The following AHI1 variants were observed in gnomAD, a reference collection of about 807,000 sequenced individuals.
AHI1 encodes jouberin.
In AHI1, 123 loss-of-function variants were observed where a neutral mutation model predicts 149.3. The ratio of observed to expected loss-of-function variants is 0.82; its 90% CI spans 0.71 to 0.96. AHI1 has a LOEUF of 0.96. Ranked by LOEUF, AHI1 falls within the 40% of genes least tolerant of loss-of-function variation. The probability of loss-of-function intolerance (pLI) is 0.00; values close to 1 mark genes in which losing one functional copy is unlikely to be tolerated. For missense variants in AHI1, 1,439 were observed against 1,422.7 expected, an observed-to-expected ratio of 1.01 and a Z score of -0.18; for synonymous variants, 475 against 459.8, an observed-to-expected ratio of 1.03 and a Z score of -0.42.
At chr6:135,373,247 A>C (rs1472697826) in intron 23 of AHI1, among the ~76,000 whole-genome samples, 4 of 151,060 alleles carry the variant, frequency 2.6e-5, no homozygotes, top group Non-Finnish European at 5.9e-5. Context: ...TACCTTTTCT[A>C]TGTTTAGATA....
intron 8 of AHI1, among the ~76,000 whole-genome samples, chr6:135,461,973 T>C (rs894479825): frequency 3.3e-5 from 5 of 152,030 alleles, no homozygotes; most frequent in Admixed American, 6.6e-5. Flanking sequence ...TGATGTTCTG[T>C]TTCCAAATTT....
chr6:135,414,008 C>T (rs971025692), intron 20 of AHI1, among the ~76,000 whole-genome samples: 4 of 152,052 alleles, frequency 2.6e-5, no homozygotes, highest in African/African-American at 9.7e-5. Flanking sequence ...CTAAAATCGA[C>T]ATGGAAATGA....
intron 24 of AHI1, among the ~76,000 whole-genome samples, chr6:135,346,494 C>T (rs962800581): frequency 6.6e-6 from 1 of 152,052 alleles, no homozygotes; most frequent in African/African-American, 2.4e-5. Context: ...GCCATCATGC[C>T]TGGCCAAGCT....
intron 16 of AHI1, among the ~76,000 whole-genome samples, chr6:135,432,096 C>A (rs1784747004): frequency 6.6e-6 from 1 of 150,570 alleles, no homozygotes; most frequent in Non-Finnish European, 1.5e-5. Flanking sequence ...GCTATTATGA[C>A]AGAGTTAGTT....
chr6:135,317,706 A>C (rs190755986), intron 26 of AHI1, among the ~76,000 whole-genome samples: 1 of 152,300 alleles, frequency 6.6e-6, no homozygotes, highest in African/African-American at 2.4e-5. Flanking sequence ...AATAGAGCGC[A>C]TGGATGAAGG....
intron 26 of AHI1, 35 bp from the exon 27 acceptor site, chr6:135,300,593 A>C (rs376571530): frequency 2.5e-6 from 4 of 1,576,954 alleles, no homozygotes; most frequent in East Asian, 4.6e-5. Context: ...TAGTAAGTAA[A>C]AAATGAGAAA....
rs372767215 is a variant in AHI1, at chr6:135,298,842, G to A, written c.3485+1658C>T. 5.9e-5 allele frequency among the ~76,000 whole-genome samples: 9 copies of A among 152,194 alleles called. 1 individual carries two copies. Among genetic ancestry groups the A allele is most frequent in the East Asian group, 1.9e-4 (1 of 5,178 alleles). On this transcript the variant is annotated intron_variant, in intron 27 of 28. Coordinates refer to ENST00000265602, the MANE Select transcript of AHI1 (RefSeq NM_001134831.2). ...TGGATCTCTGTATCTCGTGAAAACT[G>A]GTATGAAATGTAGACCGAGTGAGGA...
intron 24 of AHI1, among the ~76,000 whole-genome samples, chr6:135,336,278 A>C (rs1244079730): frequency 1.3e-5 from 2 of 152,090 alleles, no homozygotes; most frequent in Admixed American, 1.3e-4. Context: ...ATAATGTCAC[A>C]GCACAATTAA....
intron 11 of AHI1, among the ~76,000 whole-genome samples, chr6:135,449,878 G>A (rs187031136): frequency 7.9e-5 from 12 of 152,268 alleles, no homozygotes; most frequent in East Asian, 7.7e-4. Flanking sequence ...AATTCAAACA[G>A]CCATGTGACT....
chr6:135,428,495 A>G, intron 19 of AHI1, 134 bp downstream of exon 19: 1 of 1,119,666 alleles, frequency 8.9e-7, no homozygotes, highest in Admixed American at 3.3e-5. Context: ...AAGGCTTTCT[A>G]ATCTTAAAAA....
At chr6:135,447,205 T>A (rs370878191) in intron 12 of AHI1, 45 bp from the exon 13 acceptor site, 92 of 1,290,374 alleles carry the variant, frequency 7.1e-5, no homozygotes, top group Non-Finnish European at 8.7e-5. Context: ...CATGTTCACC[T>A]TTTTCTTTTT....
chr6:135,492,361 C>T, intron 3 of AHI1, 70 bp from the exon 4 acceptor site: 1 of 1,449,930 alleles, frequency 6.9e-7, no homozygotes, highest in Non-Finnish European at 9.1e-7. Context: ...GTTCTTCACA[C>T]AAGATCATGC....
intron 22 of AHI1, 131 bp from the exon 23 acceptor site, chr6:135,395,027 A>G: frequency 1.2e-6 from 1 of 855,216 alleles, no homozygotes; most frequent in East Asian, 2.7e-5. Context: ...GTAATGATGT[A>G]CATGGTTAGT....
chr6:135,442,966 T>A (rs369011060), intron 13 of AHI1, among the ~76,000 whole-genome samples: 1 of 152,038 alleles, frequency 6.6e-6, no homozygotes, highest in Non-Finnish European at 1.5e-5. Context: ...AATAGAAAAA[T>A]TTCAATATCT....
chr6:135,430,177 A>G (rs1375803365), intron 17 of AHI1, among the ~76,000 whole-genome samples, 177 bp from the exon 18 acceptor site: 1 of 151,904 alleles, frequency 6.6e-6, no homozygotes, highest in East Asian at 1.9e-4. Flanking sequence ...AAGCTGATGA[A>G]TTGTATTTCT....
At chr6:135,387,571 ACTTT>A (rs1167615444) in intron 23 of AHI1, among the ~76,000 whole-genome samples, 1 of 152,172 alleles carries the variant, frequency 6.6e-6, no homozygotes, top group Non-Finnish European at 1.5e-5. Flanking sequence ...ATGCTTGACA[ACTTT>A]CTTCTTGAAA....
chr6:135,297,734 A>C (rs1025033259), intron 27 of AHI1, among the ~76,000 whole-genome samples: 17 of 152,184 alleles, frequency 1.1e-4, no homozygotes, highest in African/African-American at 4.1e-4. Context: ...TAAAAGTAAA[A>C]ATTTAGAAGA....
At chr6:135,363,142 T>C (rs369824845) in intron 23 of AHI1, among the ~76,000 whole-genome samples, 10 of 151,278 alleles carry the variant, frequency 6.6e-5, no homozygotes, top group South Asian at 2.1e-4. Context: ...GGAAGGTCAG[T>C]AGATAAACAA....
chr6:135,490,425 C>T (rs950465680), intron 5 of AHI1, 198 bp downstream of exon 5: 5 of 672,108 alleles, frequency 7.4e-6, no homozygotes, highest in Non-Finnish European at 1.3e-5. Context: ...TGTAGGACAG[C>T]ACTCAAGAAT....
Sources: gnomAD v4.1 joint callset for allele counts (sites outside exome capture counted in the v4.1 genomes callset) on GRCh38, gnomAD v4.1.1 for gene constraint, MANE v1.5 for transcripts, NCBI Gene and HGNC (gene_info 2026-07-23, HGNC 2026-07-21) for gene names.